Variants in PDE11A observed in about 807,000 individuals in gnomAD.
PDE11A encodes the protein phosphodiesterase 11A, also known as dual 3',5'-cyclic-AMP and -GMP phosphodiesterase 11A.
Under a neutral mutation model 100.5 loss-of-function variants are expected in PDE11A, and 100 were observed. The observed-to-expected ratio is 1.00, with a 90% CI of 0.85 to 1.18. The LOEUF (loss-of-function observed/expected upper bound fraction) is 1.18, where lower values mean the gene tolerates loss of function less well. Among genes scored for constraint, PDE11A ranks in the 50% most tolerant of loss-of-function variants. The probability of loss-of-function intolerance (pLI) is 0.00; values close to 1 mark genes in which losing one functional copy is unlikely to be tolerated. For missense variants in PDE11A, 1,141 were observed against 1,152.6 expected, an observed-to-expected ratio of 0.99 and a Z score of 0.15; for synonymous variants, 381 against 420.8, an observed-to-expected ratio of 0.91 and a Z score of 1.16.
chr2:177,784,948 G>A (rs1349891871), intron 9 of PDE11A, among the ~76,000 whole-genome samples: 1 of 152,172 alleles, frequency 6.6e-6, no homozygotes, highest in East Asian at 1.9e-4. Context: ...CGGATTAACT[G>A]CTGTATAGAT....
intron 3 of PDE11A, among the ~76,000 whole-genome samples, chr2:177,902,849 C>T (rs954542144): frequency 1.4e-4 from 21 of 152,222 alleles, no homozygotes; most frequent in African/African-American, 5.1e-4. Context: ...TCACTTCTCA[C>T]TGCCCTAGTC....
At chr2:177,649,162 A>G (rs1234560951) in intron 19 of PDE11A, among the ~76,000 whole-genome samples, 2 of 152,164 alleles carry the variant, frequency 1.3e-5, no homozygotes, top group African/African-American at 4.8e-5. Flanking sequence ...CTCAGACATT[A>G]CTGATAGGAA....
At chr2:178,082,554 C>T (rs182421492) in intron 2 of PDE11A, among the ~76,000 whole-genome samples, 1 of 152,092 alleles carries the variant, frequency 6.6e-6, no homozygotes, top group Non-Finnish European at 1.5e-5. Context: ...GCAAAGGGAA[C>T]AGGAATTTAT....
intron 6 of PDE11A, among the ~76,000 whole-genome samples, chr2:177,835,376 C>T (rs923264270): frequency 5.9e-5 from 9 of 152,160 alleles, no homozygotes; most frequent in African/African-American, 1.9e-4. Context: ...CTCCTCTGTC[C>T]TCTCTTCACA....
chr2:177,680,827 G>GA lies in PDE11A; in HGVS notation c.2421dup (p.Arg808SerfsTer9). On this transcript the variant is annotated frameshift_variant and splice_region_variant, in exon 16 of 20. Coordinates refer to ENST00000286063, the MANE Select transcript of PDE11A (RefSeq NM_016953.4). LOFTEE classifies it high-confidence loss of function. ...ACATAAACAAGAGCTTTTTCTTACC[G>GA]AAATATATCACGATGGTTTTTGATG... 6.5e-7 allele frequency: 1 copy of GA among 1,550,052 alleles called. No individual in the cohort carries two copies.
At chr2:177,837,017 T>C (rs939676091) in intron 6 of PDE11A, among the ~76,000 whole-genome samples, 5 of 152,240 alleles carry the variant, frequency 3.3e-5, no homozygotes, top group South Asian at 2.1e-4. Context: ...CAATTCCAGA[T>C]ACAAGGGGAA....
In PDE11A at chr2:177,847,641, C is replaced by T. The variant is rs147223388; in HGVS notation, c.1368-7258G>A. Among the ~76,000 whole-genome samples the T allele has an allele frequency of 9.5e-4, 145 of 152,272 alleles. 1 individual carries two copies. Among genetic ancestry groups the T allele is most frequent in the African/African-American group, 3.2e-3 (133 of 41,550 alleles). ...GATACTTATTCTTTCATTCAAGGCC[C>T]GTTGTTAAAGCCTACTGCTTAGAAA... On this transcript the variant is annotated intron_variant, in intron 5 of 19. Coordinates refer to ENST00000286063, the MANE Select transcript of PDE11A (RefSeq NM_016953.4).
chr2:177,678,211 T>C (rs2080808585), intron 16 of PDE11A, among the ~76,000 whole-genome samples: 1 of 152,186 alleles, frequency 6.6e-6, no homozygotes, highest in Admixed American at 6.5e-5. Context: ...CTGAATATAG[T>C]CTTTAAAAGC....
intron 18 of PDE11A, 51 bp downstream of exon 18, chr2:177,669,442 G>T: frequency 2.4e-6 from 2 of 827,766 alleles, no homozygotes; most frequent in South Asian, 2.7e-5. Flanking sequence ...AGTTCTTTTT[G>T]AAAATGTCAT....
At chr2:177,632,732 C>A (rs1574081079) in intron 19 of PDE11A, among the ~76,000 whole-genome samples, 1 of 152,316 alleles carries the variant, frequency 6.6e-6, no homozygotes, top group East Asian at 1.9e-4. Flanking sequence ...CACAGGAAAT[C>A]CCATCACCCT....
intron 2 of PDE11A, among the ~76,000 whole-genome samples, chr2:177,966,235 A>G (rs181990736): frequency 7.2e-5 from 11 of 152,214 alleles, no homozygotes; most frequent in South Asian, 2.1e-4. Flanking sequence ...GAAGTTGTTT[A>G]CCAGATCTAG....
At chr2:177,668,666 T>C (rs1254526821) in intron 18 of PDE11A, among the ~76,000 whole-genome samples, 1 of 152,224 alleles carries the variant, frequency 6.6e-6, no homozygotes, top group African/African-American at 2.4e-5. Flanking sequence ...CAAAGAAGGA[T>C]GTCTTAAAAC....
At chr2:177,845,928 G>A (rs970924097) in intron 5 of PDE11A, among the ~76,000 whole-genome samples, 1 of 152,160 alleles carries the variant, frequency 6.6e-6, no homozygotes, top group African/African-American at 2.4e-5. Flanking sequence ...GCTGAGGCAG[G>A]AGAATCAGAC....
chr2:177,965,874 G>GT (rs2085691960), intron 2 of PDE11A, among the ~76,000 whole-genome samples: 2 of 152,158 alleles, frequency 1.3e-5, no homozygotes, highest in African/African-American at 2.4e-5. Context: ...TTTTAAAATA[G>GT]TTTTTTCTAA....
At chr2:177,881,341 G>GTCTA (rs56769555) in intron 4 of PDE11A, among the ~76,000 whole-genome samples, 46,313 of 147,426 alleles carry the variant, frequency 0.31, 7,260 homozygotes, top group East Asian at 0.42. Flanking sequence ...TCATCTATCT[G>GTCTA]TCTATCTATC....
At chr2:177,935,952 C>G (rs1345507712) in intron 2 of PDE11A, among the ~76,000 whole-genome samples, 1 of 152,174 alleles carries the variant, frequency 6.6e-6, no homozygotes, top group Non-Finnish European at 1.5e-5. Context: ...TGTCTGGGAA[C>G]ATAAAATCAC....
intron 1 of PDE11A, among the ~76,000 whole-genome samples, chr2:178,069,271 T>C (rs941911008): frequency 6.6e-6 from 1 of 152,154 alleles, no homozygotes; most frequent in Non-Finnish European, 1.5e-5. Context: ...AAATTGAGGC[T>C]GTGAGAGATT....
intron 5 of PDE11A, among the ~76,000 whole-genome samples, chr2:177,867,824 C>A (rs2084056491): frequency 6.6e-6 from 1 of 152,234 alleles, no homozygotes; most frequent in Non-Finnish European, 1.5e-5. Context: ...TCTCTCCAGG[C>A]TAATACAGTC....
At chr2:178,084,130 C>G (rs2087320871) in intron 2 of PDE11A, among the ~76,000 whole-genome samples, 1 of 152,194 alleles carries the variant, frequency 6.6e-6, no homozygotes, top group African/African-American at 2.4e-5. Context: ...AGCTATCCCT[C>G]CATGTGAGAA....
Sources: gnomAD v4.1 joint callset for allele counts (sites outside exome capture counted in the v4.1 genomes callset) on GRCh38, gnomAD v4.1.1 for gene constraint, MANE v1.5 for transcripts, NCBI Gene and HGNC (gene_info 2026-07-23, HGNC 2026-07-21) for gene names.